CCM2: variants seen among roughly 807,000 people sequenced by gnomAD.
The protein encoded by CCM2 is CCM2 scaffold protein, also known as cerebral cavernous malformations 2 protein.
Under a neutral mutation model 44.9 loss-of-function variants are expected in CCM2, and 25 were observed. The observed-to-expected ratio is 0.56, with a 90% confidence interval of 0.41 to 0.78. CCM2 has a LOEUF of 0.78. CCM2 is among the 30% of genes least tolerant of loss of function. The pLI, the probability that CCM2 is intolerant of heterozygous loss-of-function variation, is 0.00. For synonymous variants in CCM2, 219 were observed against 241.1 expected (o/e 0.91, Z 0.85); for missense variants, 481 against 580.6 (o/e 0.83, Z 1.76).
intron 4 of CCM2, among the ~76,000 whole-genome samples, chr7:45,065,377 A>T (rs1268430873): frequency 1.3e-5 from 2 of 152,224 alleles, no homozygotes; most frequent in Non-Finnish European, 2.9e-5. Flanking sequence ...TGGGGACAGT[A>T]TCCTGGGCTC....
intron 1 of CCM2, among the ~76,000 whole-genome samples, chr7:45,026,644 C>T (rs1394722434): frequency 6.9e-6 from 1 of 145,362 alleles, no homozygotes; most frequent in Non-Finnish European, 1.5e-5. Flanking sequence ...ACTCTGTTAC[C>T]CAGGCTGGAG....
intron 9 of CCM2, 55 bp from the exon 10 acceptor site, chr7:45,075,722 G>T: frequency 6.2e-7 from 1 of 1,611,146 alleles, no homozygotes; most frequent in East Asian, 2.2e-5. Context: ...TGAGAGAAGA[G>T]CTGAGTGGGC....
chr7:45,038,280 GTA>G lies in CCM2; in HGVS notation c.60_61del (p.Phe21ProfsTer4). 1 of 1,614,158 alleles carries G rather than the reference GTA, an allele frequency of 6.2e-7. No homozygotes were observed. Among genetic ancestry groups the G allele is most frequent in the Non-Finnish European group, 8.5e-7 (1 of 1,180,022 alleles). On this transcript the variant is annotated frameshift_variant, in exon 2 of 10. Coordinates refer to ENST00000258781, the MANE Select transcript of CCM2 (RefSeq NM_031443.4). LOFTEE classifies it high-confidence loss of function. ...TGGAATTGTCTCGCCATTTAAACGA[GTA>G]TTCCTAAAAGGTGAAAAGAGTAGAG... The part of the protein sequence containing the change: ...KPGIVSPFKR[V>X]FLKGEKSRDK...
At chr7:45,054,277 G>T (rs147552121) in intron 2 of CCM2, among the ~76,000 whole-genome samples, 2 of 152,020 alleles carry the variant, frequency 1.3e-5, no homozygotes, top group African/African-American at 4.8e-5. Context: ...GGCTTCTGTC[G>T]TACAACAAAA....
At chr7:45,062,391 T>C (rs1313332703) in intron 2 of CCM2, among the ~76,000 whole-genome samples, 2 of 152,206 alleles carry the variant, frequency 1.3e-5, no homozygotes, top group Admixed American at 1.3e-4. Flanking sequence ...GGTACAGTGC[T>C]GCTGCCCACA....
intron 2 of CCM2, among the ~76,000 whole-genome samples, chr7:45,051,308 G>GA (rs1437571759): frequency 1.3e-5 from 2 of 152,184 alleles, no homozygotes; most frequent in African/African-American, 4.8e-5. Context: ...TCCTAAAGAA[G>GA]AGGGGGCATC....
At chr7:45,032,079 GC>G (rs1200218739) in intron 1 of CCM2, among the ~76,000 whole-genome samples, 1 of 152,202 alleles carries the variant, frequency 6.6e-6, no homozygotes, top group Non-Finnish European at 1.5e-5. Context: ...TGCATTCCGT[GC>G]TGAATGGGTA....
At chr7:45,024,577 A>G (rs1796612969) in intron 1 of CCM2, among the ~76,000 whole-genome samples, 1 of 152,152 alleles carries the variant, frequency 6.6e-6, no homozygotes, top group African/African-American at 2.4e-5. Context: ...ATGTTTTTCA[A>G]AAGGGGGTTT....
chr7:45,043,421 A>T (rs1179685955), intron 2 of CCM2, among the ~76,000 whole-genome samples: 2 of 152,242 alleles, frequency 1.3e-5, no homozygotes, highest in Non-Finnish European at 2.9e-5. Flanking sequence ...AGAAAAAATT[A>T]TACCTACTGT....
At chr7:45,074,453 G>A (rs1366776253) in intron 9 of CCM2, 45 bp downstream of exon 9, 3 of 1,545,126 alleles carry the variant, frequency 1.9e-6, no homozygotes, top group Non-Finnish European at 2.7e-6. Flanking sequence ...AACCTGGCTT[G>A]GAGAGGCTGA....
At chr7:45,047,050 A>C (rs1797791089) in intron 2 of CCM2, among the ~76,000 whole-genome samples, 1 of 152,206 alleles carries the variant, frequency 6.6e-6, no homozygotes, top group Admixed American at 6.5e-5. Context: ...CAGAATGTTT[A>C]AAAAAAGTAG....
intron 9 of CCM2, among the ~76,000 whole-genome samples, chr7:45,074,837 C>A (rs752426387): frequency 1.3e-5 from 2 of 152,136 alleles, no homozygotes; most frequent in African/African-American, 2.4e-5. Flanking sequence ...CTAAAATGCT[C>A]GGCACATTAG....
chr7:45,076,124 G>T lies in CCM2; in HGVS notation c.*67G>T, dbSNP rs776976769. On this transcript the variant is annotated 3_prime_UTR_variant, in exon 10 of 10. Transcript: ENST00000258781. Reference sequence around the variant, plus strand: ...GTCATAGGCCTTCCCAGAAGGAGCTGCCCAGACCTGCGTGTCAGCCCTTGG... The same window carrying T: ...GTCATAGGCCTTCCCAGAAGGAGCTTCCCAGACCTGCGTGTCAGCCCTTGG... 1.0e-5 allele frequency: 16 copies of T among 1,599,940 alleles called. No homozygotes were observed. Among genetic ancestry groups the T allele is most frequent in the African/African-American group, 1.3e-5 (1 of 74,882 alleles).
At chr7:45,030,439 T>C (rs1039783970) in intron 1 of CCM2, among the ~76,000 whole-genome samples, 2 of 152,226 alleles carry the variant, frequency 1.3e-5, no homozygotes, top group African/African-American at 4.8e-5. Flanking sequence ...CATTTAATTA[T>C]TTCCCTCGTT....
rs1798895404 is a variant in CCM2 at position 45,068,509 on chromosome 7, G to A, written c.539G>A (p.Gly180Asp). Residue 180 changes from glycine to aspartate, a missense_variant, in exon 5 of 10, where the codon GGC becomes GAC. Transcript: ENST00000258781. ...CAESSRGLSA[G>D]SLSESAVGPV... ...GAAAGTTCCAGAGGCCTCAGTGCAG[G>A]CTCCCTGTCGGAGAGTGCAGTTGGG... 6.2e-7 allele frequency: 1 copy of A among 1,614,016 alleles called. No homozygotes were observed. Among genetic ancestry groups the A allele is most frequent in the Admixed American group, 1.7e-5 (1 of 59,998 alleles).
chr7:45,049,903 A>G (rs545401731), intron 2 of CCM2, among the ~76,000 whole-genome samples: 1 of 152,260 alleles, frequency 6.6e-6, no homozygotes, highest in Admixed American at 6.5e-5. Flanking sequence ...ATACAAATTT[A>G]AAAAATACAG....
At chr7:45,041,511 C>G (rs71548257) in intron 2 of CCM2, among the ~76,000 whole-genome samples, 4,194 of 152,280 alleles carry the variant, frequency 0.028, 106 homozygotes, top group South Asian at 0.14. Context: ...GCCGAAGAAA[C>G]TGGCAGCCCA....
intron 1 of CCM2, among the ~76,000 whole-genome samples, chr7:45,013,818 C>G (rs1006337081): frequency 6.6e-6 from 1 of 152,152 alleles, no homozygotes; most frequent in Non-Finnish European, 1.5e-5. Flanking sequence ...TAGGATGTCT[C>G]TCAGTTGGGT....
intron 1 of CCM2, among the ~76,000 whole-genome samples, chr7:45,012,757 G>C (rs1796117565): frequency 6.6e-6 from 1 of 150,854 alleles, no homozygotes; most frequent in Admixed American, 6.6e-5. Context: ...TCACTATGTT[G>C]CCCAGGTCGT....
Sources: gnomAD v4.1 joint callset for allele counts (sites outside exome capture counted in the v4.1 genomes callset) on GRCh38, gnomAD v4.1.1 for gene constraint, MANE v1.5 for transcripts, NCBI Gene and HGNC (gene_info 2026-07-23, HGNC 2026-07-21) for gene names.